The following NBAS variants were observed in gnomAD, a reference collection of about 807,000 sequenced individuals.
The protein encoded by NBAS is NAG/BC035112 fusion.
Under a neutral mutation model 302.5 loss-of-function variants are expected in NBAS, and 219 were observed. That is an observed-to-expected ratio of 0.72 (90% confidence interval 0.65 to 0.81). The LOEUF is 0.81. NBAS is among the 30% of genes least tolerant of loss of function. The pLI is 0.00. For missense variants in NBAS, 2,932 were observed against 2,841.6 expected (o/e 1.03, Z -0.72); for synonymous variants, 1,118 against 1,021.6 (o/e 1.09, Z -1.80).
chr2:14,934,200 G>T, the NBAS span, among the ~76,000 whole-genome samples: 2 of 152,132 alleles, frequency 1.3e-5, no homozygotes, highest in Non-Finnish European at 2.9e-5. Flanking sequence ...TCAACACCCA[G>T]TCCCACTCCC....
chr2:15,290,176 A>C (rs929445333), intron 41 of NBAS, among the ~76,000 whole-genome samples: 1 of 151,754 alleles, frequency 6.6e-6, no homozygotes, highest in South Asian at 2.1e-4. Flanking sequence ...ACAAGGAAGA[A>C]TGGTCACTCT....
chr2:15,481,842 C>T (rs1680440351), intron 12 of NBAS, among the ~76,000 whole-genome samples: 1 of 152,188 alleles, frequency 6.6e-6, no homozygotes, highest in South Asian at 2.1e-4. Flanking sequence ...TTCTTCTTCT[C>T]CAAGGTTCAT....
chr2:15,503,969 A>C lies in NBAS; in HGVS notation c.954+176T>G, dbSNP rs539846523. On this transcript the variant is annotated intron_variant, in intron 11 of 51. Transcript: ENST00000281513. ...ATAAGGTTGATACACAGTAAAATAT[A>C]AAAATCTTCAGCACCAGCTCTATGA... Among the ~76,000 whole-genome samples, 4 of 152,344 alleles carry C rather than the reference A, an allele frequency of 2.6e-5. No homozygotes were observed. In the East Asian group the frequency reaches 7.7e-4, roughly 29 times the overall value.
At chr2:15,137,263 A>G in the NBAS span, among the ~76,000 whole-genome samples, 1 of 152,234 alleles carries the variant, frequency 6.6e-6, no homozygotes, top group East Asian at 1.9e-4. Context: ...GACATCTTAC[A>G]TATGTCAGTG....
At chr2:15,355,281 T>C (rs1232718918) in intron 33 of NBAS, among the ~76,000 whole-genome samples, 1 of 151,994 alleles carries the variant, frequency 6.6e-6, no homozygotes, top group African/African-American at 2.4e-5. Context: ...AGCATAGCCA[T>C]GGAAAGCTGA....
At chr2:15,006,082 T>C in the NBAS span, among the ~76,000 whole-genome samples, 1 of 152,168 alleles carries the variant, frequency 6.6e-6, no homozygotes, top group Non-Finnish European at 1.5e-5. Context: ...AAATACTTTG[T>C]TTTAATAGTG....
rs1311369438 is a variant in NBAS, at chr2:15,308,064, T to C, written c.4797+152A>G. On this transcript the variant is annotated intron_variant, in intron 40 of 51. Coordinates refer to ENST00000281513, the MANE Select transcript of NBAS (RefSeq NM_015909.4). The stretch of plus-strand genomic sequence containing the variant: ...ACTGATACCTGGAGAAGCAACTTTG[T>C]CGAATACAGGAAAGCCAAGAGCTGC... The C allele has an allele frequency of 3.6e-6, 4 of 1,120,320 alleles. No individual in the cohort carries two copies. The East Asian group carries it at 7.6e-5, about 21-fold the overall frequency. The allele number at this position is 1,120,320 out of a possible 1,614,324, so 69.4% of individuals were successfully genotyped here.
intron 26 of NBAS, 48 bp downstream of exon 26, chr2:15,402,120 T>A: frequency 6.2e-7 from 1 of 1,609,318 alleles, no homozygotes; most frequent in Non-Finnish European, 8.5e-7. Context: ...TTGTTTTAAC[T>A]GTTAGAATAA....
At chr2:15,514,997 G>C (rs954653566) in intron 9 of NBAS, among the ~76,000 whole-genome samples, 1 of 152,278 alleles carries the variant, frequency 6.6e-6, no homozygotes, top group Admixed American at 6.5e-5. Context: ...ATCATGTGTT[G>C]TTCCAATCAG....
chr2:15,075,629 C>A, the NBAS span, among the ~76,000 whole-genome samples: 2 of 152,202 alleles, frequency 1.3e-5, no homozygotes, highest in African/African-American at 2.4e-5. Context: ...TTTTGTGAGT[C>A]CCCAAAATCC....
At chr2:15,360,080 C>T (rs777165345) in intron 32 of NBAS, among the ~76,000 whole-genome samples, 4 of 151,916 alleles carry the variant, frequency 2.6e-5, no homozygotes, top group Non-Finnish European at 4.4e-5. Context: ...AGAAAAGGTA[C>T]AGTAAAAATA....
the NBAS span, among the ~76,000 whole-genome samples, chr2:15,121,256 A>G: frequency 6.6e-6 from 1 of 152,330 alleles, no homozygotes; most frequent in Admixed American, 6.5e-5. Flanking sequence ...ATCTCTCAGT[A>G]CATTGTAGTC....
the NBAS span, among the ~76,000 whole-genome samples, chr2:14,790,755 A>G: frequency 4.6e-5 from 7 of 151,734 alleles, no homozygotes; most frequent in Middle Eastern, 3.4e-3. Flanking sequence ...GGGTTCAAGC[A>G]ATTCTCCTGC....
Position 15,417,603 on chromosome 2 carries a change from C to T in NBAS, c.2687G>A (p.Arg896Lys), listed in dbSNP as rs764512917. Residue 896 changes from arginine to lysine, a missense_variant, in exon 24 of 52, where the codon AGG becomes AAG. Coordinates refer to ENST00000281513, the MANE Select transcript of NBAS (RefSeq NM_015909.4). ...TTTCAGGGTTAGAGTTACATCACAC[C>T]TGGCTTCATAAACCAATGTTTCCAG... ...VTLETLVYEA[R>K]CDVTLTLKEL... The T allele has an allele frequency of 3.1e-6, 5 of 1,613,836 alleles. No homozygotes were observed. Among genetic ancestry groups the T allele is most frequent in the African/African-American group, 2.7e-5 (2 of 74,878 alleles).
chr2:15,158,948 C>G, the NBAS span, among the ~76,000 whole-genome samples: 1 of 152,186 alleles, frequency 6.6e-6, no homozygotes, highest in Non-Finnish European at 1.5e-5. Flanking sequence ...AAACAATTGC[C>G]CCTTCCAGAG....
chr2:15,137,341 G>A, the NBAS span, among the ~76,000 whole-genome samples: 1 of 152,186 alleles, frequency 6.6e-6, no homozygotes, highest in Non-Finnish European at 1.5e-5. Flanking sequence ...AGCAACAGAT[G>A]GAGATAATTC....
At chr2:15,131,564 T>A in the NBAS span, among the ~76,000 whole-genome samples, 1 of 152,216 alleles carries the variant, frequency 6.6e-6, no homozygotes, top group Non-Finnish European at 1.5e-5. Flanking sequence ...ATGGTAAGCA[T>A]GAATTATTTT....
intron 21 of NBAS, among the ~76,000 whole-genome samples, chr2:15,432,446 G>A (rs1174649860): frequency 2.0e-5 from 3 of 152,002 alleles, no homozygotes; most frequent in African/African-American, 7.2e-5. Context: ...CTGCCAGCAG[G>A]AAAGGAATTA....
At chr2:14,873,795 CAT>C in the NBAS span, among the ~76,000 whole-genome samples, 7 of 150,354 alleles carry the variant, frequency 4.7e-5, no homozygotes, top group African/African-American at 9.8e-5. Flanking sequence ...GAAAACATGA[CAT>C]ATCAAAATAT....
Sources: allele counts gnomAD v4.1 joint callset (sites outside exome capture counted in the v4.1 genomes callset), GRCh38; gene constraint gnomAD v4.1.1; transcripts MANE v1.5; gene names NCBI Gene and HGNC (gene_info 2026-07-23, HGNC 2026-07-21).